Variants in TTLL7 observed in about 807,000 individuals in gnomAD.
TTLL7 encodes the protein tubulin polyglutamylase TTLL7.
A neutral mutation model predicts 120.2 loss-of-function variants in TTLL7; 53 were observed. The ratio of observed to expected loss-of-function variants is 0.44; its 90% CI spans 0.35 to 0.55. TTLL7 has a LOEUF of 0.55. TTLL7 is among the 20% of genes least tolerant of loss of function. The probability of loss-of-function intolerance (pLI) is 0.00; values close to 1 mark genes in which losing one functional copy is unlikely to be tolerated. For missense variants in TTLL7, 803 were observed against 1,054.7 expected (o/e 0.76, Z 3.31); for synonymous variants, 353 against 351.7 (o/e 1.00, Z -0.04).
chr1:83,907,419 T>A, intron 16 of TTLL7, 37 bp downstream of exon 16: 3 of 1,580,996 alleles, frequency 1.9e-6, no homozygotes, highest in Non-Finnish European at 2.6e-6. Flanking sequence ...AGTACAGAGC[T>A]CCCTGTAATC....
At chr1:83,915,209 G>C (rs1171188942) in intron 14 of TTLL7, among the ~76,000 whole-genome samples, 2 of 152,082 alleles carry the variant, frequency 1.3e-5, no homozygotes, top group Admixed American at 6.5e-5. Context: ...ATAGAACAAA[G>C]CTGGAGGCAT....
chr1:83,935,480 G>A (rs1647298652), intron 8 of TTLL7, among the ~76,000 whole-genome samples: 1 of 151,690 alleles, frequency 6.6e-6, no homozygotes, highest in African/African-American at 2.4e-5. Flanking sequence ...TAATATCACT[G>A]CTTTAAAACG....
chr1:83,871,009 T>C (rs1476307350), intron 20 of TTLL7, among the ~76,000 whole-genome samples: 2 of 149,532 alleles, frequency 1.3e-5, no homozygotes, highest in Non-Finnish European at 3.0e-5. Context: ...AAAGACAATA[T>C]GGTGATTTAT....
chr1:83,952,142 A>G, intron 2 of TTLL7, 45 bp downstream of exon 2: 2 of 1,578,978 alleles, frequency 1.3e-6, no homozygotes, highest in Non-Finnish European at 8.7e-7. Flanking sequence ...GTAATGATGT[A>G]TAACACCTCC....
At chr1:83,887,110 GA>G (rs1225186265) in intron 19 of TTLL7, 1 of 507,726 alleles carries the variant, frequency 2.0e-6, no homozygotes, top group Non-Finnish European at 2.7e-6. Flanking sequence ...CAACTCTAGG[GA>G]AACCTACCAC....
chr1:83,891,737 T>C (rs1031257052), intron 18 of TTLL7, among the ~76,000 whole-genome samples: 1 of 152,060 alleles, frequency 6.6e-6, no homozygotes, highest in Non-Finnish European at 1.5e-5. Flanking sequence ...ATTAATACAG[T>C]AGTCAAAATG....
chr1:83,944,977 G>A (rs768632367), intron 6 of TTLL7, among the ~76,000 whole-genome samples: 1 of 152,030 alleles, frequency 6.6e-6, no homozygotes, highest in Admixed American at 6.6e-5. Flanking sequence ...TAATTCCAGG[G>A]CAATCATTTT....
intron 19 of TTLL7, chr1:83,890,004 C>A (rs1362434244): frequency 2.1e-6 from 1 of 483,220 alleles, no homozygotes; most frequent in Non-Finnish European, 4.1e-6. Context: ...CACTAGGATT[C>A]TGGGGAGGAG....
chr1:83,933,515 T>G (rs1187998046), intron 9 of TTLL7, 93 bp downstream of exon 9: 1 of 1,331,490 alleles, frequency 7.5e-7, no homozygotes, highest in African/African-American at 1.5e-5. Context: ...GGACAGTTAA[T>G]GGGACAACTG....
chr1:83,887,511 G>A lies in TTLL7; in HGVS notation c.2369+2810C>T, dbSNP rs535678150. ...GAGGAAGCCTAAAAAACTCATTAAT[G>A]CAAAATAAAATCCGATATTAAACTC... On this transcript the variant is annotated intron_variant, in intron 19 of 20. Transcript: ENST00000260505. Among the ~76,000 whole-genome samples, 20 of 152,136 alleles carry A rather than the reference G, an allele frequency of 1.3e-4. No individual in the cohort carries two copies. The South Asian group carries it at 3.3e-3, about 25-fold the overall frequency.
At chr1:83,875,412 C>T (rs574047099) in intron 20 of TTLL7, among the ~76,000 whole-genome samples, 4 of 151,954 alleles carry the variant, frequency 2.6e-5, no homozygotes, top group Admixed American at 6.6e-5. Context: ...TGTATGAATA[C>T]TAGAAAAAAT....
Position 83,937,832 on chromosome 1 carries a change from G to T in TTLL7, c.888+20C>A. ...TTGCTGAGGAAAGACTGTTATAATT[G>T]TGGAATGGCATAATCTTACTGAAAT... On this transcript the variant is annotated intron_variant, in intron 8 of 20. Transcript: ENST00000260505. 1 of 1,612,468 alleles carries T rather than the reference G, an allele frequency of 6.2e-7. No homozygotes were observed. The highest frequency in any genetic ancestry group is 8.5e-7 in the Non-Finnish European group (1 of 1,178,616).
At chr1:83,936,045 A>T (rs1177578340) in intron 8 of TTLL7, among the ~76,000 whole-genome samples, 1 of 152,230 alleles carries the variant, frequency 6.6e-6, no homozygotes, top group East Asian at 1.9e-4. Context: ...TATAGACAAG[A>T]CCATGAAATG....
intron 1 of TTLL7, among the ~76,000 whole-genome samples, chr1:83,978,480 T>C (rs910069446): frequency 2.6e-5 from 4 of 152,204 alleles, no homozygotes; most frequent in African/African-American, 9.7e-5. Flanking sequence ...AATGGCATAC[T>C]GGAGATTTTA....
chr1:83,911,245 T>G lies in TTLL7; in HGVS notation c.1706A>C (p.Glu569Ala), dbSNP rs1657649761. The change falls in exon 15 of 21, where the codon GAG (glutamate) becomes GCG (alanine). Residue 569 changes from glutamate (E) to alanine (A), a missense_variant. Physicochemically the swap from Glu to Ala is moderately radical, Grantham distance 107 (BLOSUM62 -1). This residue lies in a region of TTLL7 where 388 missense variants were observed against 450.4 expected (regional missense o/e 0.86). Transcript: ENST00000260505. The part of the protein sequence containing the change: ...SSESDENEKE[E>A]YQNKKREKQV... ...CTTTTCTCTTTTCTTATTTTGGTACTCTTCTTTTTCATTTTCGTCAGATTC... is the reference window on the plus strand; with the variant it reads ...CTTTTCTCTTTTCTTATTTTGGTACGCTTCTTTTTCATTTTCGTCAGATTC... The G allele has an allele frequency of 6.2e-7, 1 of 1,613,288 alleles. No individual in the cohort carries two copies. Among genetic ancestry groups the G allele is most frequent in the Non-Finnish European group, 8.5e-7 (1 of 1,179,438 alleles).
chr1:83,909,288 T>G (rs1312285041), intron 15 of TTLL7, among the ~76,000 whole-genome samples: 1 of 148,660 alleles, frequency 6.7e-6, no homozygotes, highest in Admixed American at 6.8e-5. Context: ...TTTTTTTTTT[T>G]GCCTACACAT....
At position 83,915,950 on chromosome 1, in the gene TTLL7, C is replaced by T. The variant is rs544553464; in HGVS notation, c.1587+1654G>A. Among the ~76,000 whole-genome samples, 460 of 152,324 alleles carry T rather than the reference C, an allele frequency of 3.0e-3. 2 individuals are homozygous for T. Among genetic ancestry groups the T allele is most frequent in the African/African-American group, 0.01 (426 of 41,556 alleles). ...TCAAAACCACAATGAGATACCATCTCACACCAGTTAGAATGGCCATCAGTA... is the reference window on the plus strand; with the variant it reads ...TCAAAACCACAATGAGATACCATCTTACACCAGTTAGAATGGCCATCAGTA... On this transcript the variant is annotated intron_variant, in intron 14 of 20. Coordinates refer to ENST00000260505, the MANE Select transcript of TTLL7 (RefSeq NM_024686.6).
intron 10 of TTLL7, among the ~76,000 whole-genome samples, chr1:83,927,232 T>C (rs1659210270): frequency 6.6e-6 from 1 of 152,138 alleles, no homozygotes; most frequent in African/African-American, 2.4e-5. Flanking sequence ...GTGAAGCATG[T>C]AAAAGTATGT....
chr1:83,994,551 T>C (rs1472312739), intron 1 of TTLL7, among the ~76,000 whole-genome samples: 6 of 152,136 alleles, frequency 3.9e-5, no homozygotes, highest in African/African-American at 1.4e-4. Flanking sequence ...TTTCCTCTGG[T>C]GGAAGGATAC....
Sources: gnomAD v4.1 joint callset for allele counts (sites outside exome capture counted in the v4.1 genomes callset) on GRCh38, gnomAD v4.1.1 for gene constraint, gnomAD v4.1.1 regional missense constraint, MANE v1.5 for transcripts, NCBI Gene and HGNC (gene_info 2026-07-23, HGNC 2026-07-21) for gene names.